Variants in RBM48 observed in about 807,000 individuals in gnomAD.
RBM48 encodes the protein RNA binding motif protein 48, also known as RNA-binding protein 48.
Under a neutral mutation model 34.8 loss-of-function variants are expected in RBM48, and 32 were observed. The ratio of observed to expected loss-of-function variants is 0.92; its 90% CI spans 0.69 to 1.23. The LOEUF is 1.23. Among genes scored for constraint, RBM48 ranks in the 50% most tolerant of loss-of-function variants. The pLI is 0.00. For synonymous variants in RBM48, 151 were observed against 156.2 expected (o/e 0.97, Z 0.25); for missense variants, 441 against 447.2 (o/e 0.99, Z 0.12).
Position 92,528,856 on chromosome 7 carries a change from C to T in RBM48, c.43C>T (p.His15Tyr), listed in dbSNP as rs1345131868. 2 of 1,614,006 alleles carry T rather than the reference C, an allele frequency of 1.2e-6. No homozygotes were observed. The highest frequency in any genetic ancestry group is 1.7e-6 in the Non-Finnish European group (2 of 1,180,016). ...GGELGSLFDH[H>Y]VQRAVCDTRA... ...GGAGCTAGGGAGTTTATTTGATCAC[C>T]ACGTCCAGAGGGCGGTATGCGACAC... Residue 15 changes from histidine to tyrosine, a missense_variant, in exon 1 of 5, where the codon CAC becomes TAC. By Grantham distance (83) the His-to-Tyr change is moderately conservative (BLOSUM62 2). Transcript: ENST00000265732.
intron 2 of RBM48, among the ~76,000 whole-genome samples, chr7:92,531,636 T>C (rs1178870733): frequency 6.6e-6 from 1 of 152,216 alleles, no homozygotes; most frequent in Non-Finnish European, 1.5e-5. Context: ...TTCTAGAGCT[T>C]TTCTGTTTTC....
At chr7:92,531,375 A>G (rs1025303966) in intron 2 of RBM48, among the ~76,000 whole-genome samples, 1 of 152,234 alleles carries the variant, frequency 6.6e-6, no homozygotes, top group African/African-American at 2.4e-5. Context: ...CCTCTGCTCC[A>G]AAAAGGCTGA....
chr7:92,529,083 C>G (rs1793463529), intron 1 of RBM48, 159 bp downstream of exon 1: 1 of 662,822 alleles, frequency 1.5e-6, no homozygotes, highest in Non-Finnish European at 2.7e-6. Context: ...ACCAAAGATT[C>G]TCACGACGCC....
intron 4 of RBM48, chr7:92,535,174 A>G: frequency 7.0e-7 from 1 of 1,424,504 alleles, no homozygotes; most frequent in Non-Finnish European, 9.1e-7. Flanking sequence ...TAAACAATGA[A>G]CAGACATTTT....
In RBM48 at chr7:92,529,595, T is replaced by A. The variant is rs199536159; in HGVS notation, c.231T>A (p.Ala77=). The change falls in exon 2 of 5, where the codon GCT becomes GCA. Residue 77 remains alanine (A), a synonymous_variant. Coordinates refer to ENST00000265732, the MANE Select transcript of RBM48 (RefSeq NM_032120.4). ...ALYGAIEQYN[A]LDEYPAEDFT... ...ATGGTGCAATTGAACAGTACAATGCTCTAGATGAATACCCAGCAGAAGACT... is the reference window on the plus strand; with the variant it reads ...ATGGTGCAATTGAACAGTACAATGCACTAGATGAATACCCAGCAGAAGACT... The A allele has an allele frequency of 5.0e-6, 8 of 1,609,526 alleles. No homozygotes were observed. Among genetic ancestry groups the A allele is most frequent in the Non-Finnish European group, 5.1e-6 (6 of 1,176,884 alleles).
chr7:92,534,539 C>T lies in RBM48; in HGVS notation c.586C>T (p.Pro196Ser). ...TSAGNSNPYLPYSCELPLCYF... is the reference protein window; with the variant it reads ...TSAGNSNPYLSYSCELPLCYF... ...TGCAGGGAACTCAAATCCTTATCTTCCGTATTCCTGTGAATTGCCTTTATG... is the reference window on the plus strand; with the variant it reads ...TGCAGGGAACTCAAATCCTTATCTTTCGTATTCCTGTGAATTGCCTTTATG... Residue 196 changes from proline to serine, a missense_variant, in exon 4 of 5, where the codon CCG becomes TCG. Transcript: ENST00000265732. 1.2e-6 allele frequency: 2 copies of T among 1,614,142 alleles called. No individual in the cohort carries two copies. Among genetic ancestry groups the T allele is most frequent in the Non-Finnish European group, 1.7e-6 (2 of 1,180,036 alleles).
intron 2 of RBM48, among the ~76,000 whole-genome samples, chr7:92,530,133 C>T (rs781430897): frequency 4.8e-5 from 7 of 145,376 alleles, no homozygotes; most frequent in Non-Finnish European, 9.0e-5. Flanking sequence ...GCCGAGATTG[C>T]GCCATTGCAC....
chr7:92,539,887 T>C lies in RBM48; in HGVS notation c.*2950T>C, dbSNP rs1367291932. Among the ~76,000 whole-genome samples the C allele has an allele frequency of 1.3e-5, 2 of 152,210 alleles. No individual in the cohort carries two copies. Among genetic ancestry groups the C allele is most frequent in the African/African-American group, 4.8e-5 (2 of 41,460 alleles). The stretch of plus-strand genomic sequence containing the variant: ...TATGTCTCCAAAATTTTAAAAACAT[T>C]GACAGCAATTGTATTGAAAGAGATC... On this transcript the variant is annotated 3_prime_UTR_variant, in exon 5 of 5. Transcript: ENST00000265732.
chr7:92,536,291 C>CA (rs778800427), intron 4 of RBM48: 107 of 977,922 alleles, frequency 1.1e-4, no homozygotes, highest in South Asian at 1.9e-4. Flanking sequence ...AATAGAACAA[C>CA]AAAAAAAAGA....
rs1793782368 is a variant in RBM48, at chr7:92,538,576, T to TA, written c.*1640dup. On this transcript the variant is annotated 3_prime_UTR_variant, in exon 5 of 5. Coordinates refer to ENST00000265732, the MANE Select transcript of RBM48 (RefSeq NM_032120.4). ...CCTACTTCCATGTGAGGTAATTAGATACAGTTTTTGCTGAAATCTCAGGTA... is the reference window on the plus strand; with the variant it reads ...CCTACTTCCATGTGAGGTAATTAGATAACAGTTTTTGCTGAAATCTCAGGTA... 1.3e-5 allele frequency among the ~76,000 whole-genome samples: 2 copies of TA among 152,134 alleles called. No homozygotes were observed. The highest frequency in any genetic ancestry group is 4.1e-4 in the South Asian group (2 of 4,830).
chr7:92,534,861 CT>C lies in RBM48; in HGVS notation c.909del (p.Gly304ValfsTer5). 6.2e-7 allele frequency: 1 copy of C among 1,614,206 alleles called. No individual in the cohort carries two copies. The highest frequency in any genetic ancestry group is 1.1e-5 in the South Asian group (1 of 91,080). On this transcript the variant is annotated frameshift_variant, in exon 4 of 5. Transcript: ENST00000265732. LOFTEE classifies it high-confidence loss of function. ...GGAACTTTTCTTCAAACAAACCCAA[CT>C]GGTAATGAGATTATGATTGGACCTC... is the stretch of plus-strand genomic sequence containing the variant. ...KLGTFLQTNP[T>X]GNEIMIGPLL... is the part of the protein sequence containing the mutation.
intron 2 of RBM48, 26 bp downstream of exon 2, chr7:92,529,692 C>G: frequency 1.5e-6 from 2 of 1,351,196 alleles, no homozygotes; most frequent in Non-Finnish European, 2.0e-6. Context: ...AGAAATGACT[C>G]ATTTCCTCAT....
chr7:92,535,698 T>C (rs1793694274), intron 4 of RBM48: 1 of 984,912 alleles, frequency 1.0e-6, no homozygotes, highest in Non-Finnish European at 1.2e-6. Flanking sequence ...TCACATAGTT[T>C]TACTCATATT....
At chr7:92,529,039 C>T (rs753832697) in intron 1 of RBM48, 115 bp downstream of exon 1, 1 of 795,688 alleles carries the variant, frequency 1.3e-6, no homozygotes, top group Non-Finnish European at 2.1e-6. Flanking sequence ...ATCTGTCTCT[C>T]GTTAGAGCTG....
intron 3 of RBM48, chr7:92,534,183 T>A (rs1487286969): frequency 1.7e-6 from 1 of 604,950 alleles, no homozygotes; most frequent in Non-Finnish European, 2.8e-6. Context: ...ACCAGACCCA[T>A]GGAGAGCAAG....
At position 92,537,765 on chromosome 7, in the gene RBM48, C is replaced by T. The variant is rs763993805; in HGVS notation, c.*828C>T. 1.3e-5 allele frequency: 2 copies of T among 152,224 alleles called. No individual in the cohort carries two copies. The highest frequency in any genetic ancestry group is 2.9e-5 in the Non-Finnish European group (2 of 68,044). 9.4% of individuals were successfully genotyped at this position (152,224 alleles called of 1,614,324 possible). On this transcript the variant is annotated 3_prime_UTR_variant, in exon 5 of 5. Transcript: ENST00000265732. ...TCTGTTACTACTTCTGGCATATCCA[C>T]ACTTTTTTCTGTCAGTGGATTACAT...
At position 92,534,656 on chromosome 7, in the gene RBM48, A is replaced by G. The variant is rs1248265500; in HGVS notation, c.703A>G (p.Met235Val). ...GGATGGTAGAAACCATCATAAAACA[A>G]TGGGGCATTATAACCACAATGACTC... ...SKDGRNHHKT[M>V]GHYNHNDSLR... is the part of the protein sequence containing the mutation. Residue 235 changes from methionine to valine, a missense_variant, in exon 4 of 5, where the codon ATG (methionine) becomes GTG (valine). Coordinates refer to ENST00000265732, the MANE Select transcript of RBM48 (RefSeq NM_032120.4). The G allele has an allele frequency of 1.2e-6, 2 of 1,614,192 alleles. No homozygotes were observed. The highest frequency in any genetic ancestry group is 1.3e-5 in the African/African-American group (1 of 75,060).
chr7:92,529,363 C>G, intron 1 of RBM48, 113 bp from the exon 2 acceptor site: 2 of 637,280 alleles, frequency 3.1e-6, no homozygotes, highest in Non-Finnish European at 5.3e-6. Flanking sequence ...CTTTTGCTGA[C>G]TGGGTTGAAC....
chr7:92,533,726 C>CT (rs1391317083), intron 3 of RBM48, among the ~76,000 whole-genome samples: 1 of 152,144 alleles, frequency 6.6e-6, no homozygotes, highest in Non-Finnish European at 1.5e-5. Context: ...GGCAGAGAGA[C>CT]TAAGTTAACA....
Sources: gnomAD v4.1 joint callset for allele counts (sites outside exome capture counted in the v4.1 genomes callset) on GRCh38, gnomAD v4.1.1 for gene constraint, MANE v1.5 for transcripts, NCBI Gene and HGNC (gene_info 2026-07-23, HGNC 2026-07-21) for gene names.